The following PTPRN2 variants were observed in gnomAD, a reference collection of about 807,000 sequenced individuals.
The protein encoded by PTPRN2 is protein tyrosine phosphatase receptor type N2.
PTPRN2 carries 74 observed loss-of-function variants against 118.8 expected under a neutral mutation model. The ratio of observed to expected loss-of-function variants is 0.62; its 90% confidence interval spans 0.52 to 0.76. The LOEUF (loss-of-function observed/expected upper bound fraction) is 0.76. Among genes scored for constraint, PTPRN2 ranks in the 30% least tolerant of loss-of-function variants. PTPRN2 has a pLI of 0.00. For synonymous variants in PTPRN2, 641 were observed against 608.0 expected (o/e 1.05, Z -0.80); for missense variants, 1,481 against 1,394.4 (o/e 1.06, Z -0.99).
Position 157,621,651 on chromosome 7 carries a change from G to C in PTPRN2, c.2197-142C>G. On this transcript the variant is annotated intron_variant, in intron 14 of 22. Coordinates refer to ENST00000389418, the MANE Select transcript of PTPRN2 (RefSeq NM_002847.5). ...CGAGCCTGGGCCATGGTGCGACGTT[G>C]TGCTACGGTGCACAATGCATATCAT... 3.0e-6 allele frequency: 3 copies of C among 985,256 alleles called. No individual in the cohort carries two copies. In the Admixed American group the frequency reaches 6.3e-5, roughly 21 times the overall value. The allele number at this position is 985,256 out of a possible 1,614,324, so 61.0% of individuals were successfully genotyped here.
At chr7:157,805,289 C>CTGTGTGTGTGTGTG (rs57161533) in intron 12 of PTPRN2, among the ~76,000 whole-genome samples, 21 of 148,688 alleles carry the variant, frequency 1.4e-4, no homozygotes, top group Non-Finnish European at 3.0e-4. Context: ...ATATATACTC[C>CTGTGTGTGTGTGTG]TGTGTGTGTG....
At chr7:157,747,488 G>A (rs1185028535) in intron 12 of PTPRN2, among the ~76,000 whole-genome samples, 1 of 112,444 alleles carries the variant, frequency 8.9e-6, no homozygotes, top group Admixed American at 9.6e-5. Context: ...GTGATTCTGA[G>A]GCCTGCGTCC....
intron 2 of PTPRN2, among the ~76,000 whole-genome samples, chr7:158,410,132 C>A (rs1813921057): frequency 2.0e-5 from 3 of 152,180 alleles, no homozygotes; most frequent in Admixed American, 1.3e-4. Context: ...CACCTTCCCT[C>A]CATTTAAGAA....
At chr7:157,662,267 C>T (rs577272326) in intron 13 of PTPRN2, among the ~76,000 whole-genome samples, 2 of 152,344 alleles carry the variant, frequency 1.3e-5, no homozygotes, top group East Asian at 1.9e-4. Context: ...GTGCCTGACA[C>T]ACACCAGGTG....
chr7:157,746,763 G>A (rs928934367), intron 12 of PTPRN2, among the ~76,000 whole-genome samples: 2 of 152,206 alleles, frequency 1.3e-5, no homozygotes, highest in African/African-American at 4.8e-5. Context: ...GATCTCTTCC[G>A]TTCAGCTGCC....
At chr7:158,328,014 T>C (rs1333408846) in intron 2 of PTPRN2, among the ~76,000 whole-genome samples, 1 of 152,216 alleles carries the variant, frequency 6.6e-6, no homozygotes, top group Non-Finnish European at 1.5e-5. Flanking sequence ...ATCACTGCCC[T>C]GTTGAAAGGA....
chr7:157,722,641 G>C (rs933718793), intron 12 of PTPRN2, among the ~76,000 whole-genome samples: 7 of 152,202 alleles, frequency 4.6e-5, no homozygotes, highest in African/African-American at 1.7e-4. Flanking sequence ...CCATTCCTCG[G>C]CAGGGCACTG....
At chr7:158,504,349 G>A (rs1822585817) in intron 1 of PTPRN2, among the ~76,000 whole-genome samples, 1 of 151,834 alleles carries the variant, frequency 6.6e-6, no homozygotes, top group South Asian at 2.1e-4. Flanking sequence ...TGCTCTCCCT[G>A]CCCACCCCCA....
At chr7:157,791,684 T>C (rs1475426680) in intron 12 of PTPRN2, among the ~76,000 whole-genome samples, 9 of 152,196 alleles carry the variant, frequency 5.9e-5, no homozygotes, top group Non-Finnish European at 1.3e-4. Flanking sequence ...ATCCTCTGGA[T>C]TTTACATTCA....
In PTPRN2 at chr7:158,355,953, C is replaced by T. The variant is rs534551585; in HGVS notation, c.164-39021G>A. Reference sequence around the variant, plus strand: ...CCTCGAAACAGAATGTGGTTCCAGGCGCCACCACCCAGCCTAGCAGCCGTC... The same window carrying T: ...CCTCGAAACAGAATGTGGTTCCAGGTGCCACCACCCAGCCTAGCAGCCGTC... On this transcript the variant is annotated intron_variant, in intron 2 of 22. Transcript: ENST00000389418. Among the ~76,000 whole-genome samples, 29 of 152,292 alleles carry T rather than the reference C, an allele frequency of 1.9e-4. 1 individual carries two copies. In the Middle Eastern group the frequency reaches 0.01, roughly 54 times the overall value.
chr7:158,493,372 C>G (rs1821600584), intron 1 of PTPRN2, among the ~76,000 whole-genome samples: 1 of 144,538 alleles, frequency 6.9e-6, no homozygotes, highest in Non-Finnish European at 1.5e-5. Context: ...CATGCATACA[C>G]ACATGCACAC....
At chr7:157,806,088 A>ATG (rs376019707) in intron 12 of PTPRN2, among the ~76,000 whole-genome samples, 1 of 152,072 alleles carries the variant, frequency 6.6e-6, no homozygotes, top group Non-Finnish European at 1.5e-5. Context: ...AGCCACAAAA[A>ATG]TGTGTGTGTG....
At chr7:158,407,044 G>C (rs1471293673) in intron 2 of PTPRN2, among the ~76,000 whole-genome samples, 1 of 152,156 alleles carries the variant, frequency 6.6e-6, no homozygotes, top group Non-Finnish European at 1.5e-5. Context: ...ACCCTCCAGG[G>C]AGACCCAGCA....
At chr7:158,363,551 G>T (rs542573870) in intron 2 of PTPRN2, among the ~76,000 whole-genome samples, 1 of 152,328 alleles carries the variant, frequency 6.6e-6, no homozygotes, top group South Asian at 2.1e-4. Flanking sequence ...ACCTGGAAGG[G>T]CCTCACCCAG....
At chr7:158,396,782 C>CG (rs1413656885) in intron 2 of PTPRN2, among the ~76,000 whole-genome samples, 1 of 152,234 alleles carries the variant, frequency 6.6e-6, no homozygotes, top group Admixed American at 6.5e-5. Context: ...TGACCCGCCT[C>CG]GGGGTCTGTC....
At chr7:158,431,322 C>T (rs928833780) in intron 2 of PTPRN2, among the ~76,000 whole-genome samples, 1 of 150,268 alleles carries the variant, frequency 6.7e-6, no homozygotes, top group Non-Finnish European at 1.5e-5. Context: ...TGGGCACATA[C>T]TGGCCACACA....
intron 2 of PTPRN2, among the ~76,000 whole-genome samples, chr7:158,446,061 G>A (rs997469330): frequency 2.0e-5 from 3 of 152,092 alleles, no homozygotes; most frequent in African/African-American, 7.2e-5. Flanking sequence ...GACACTCAGC[G>A]TGGGCAGGTA....
At position 158,144,910 on chromosome 7, in the gene PTPRN2, G is replaced by C. The variant is rs533398258; in HGVS notation, c.911-6395C>G. Among the ~76,000 whole-genome samples, 61 of 152,178 alleles carry C rather than the reference G, an allele frequency of 4.0e-4. 2 individuals carry two copies. Among genetic ancestry groups the C allele is most frequent in the African/African-American group, 1.3e-3 (53 of 41,530 alleles). ...AAGTGCCTGCTCTGAAGGAGGAACT[G>C]AACAGCAAGCCACGTCTCCAGAATG... On this transcript the variant is annotated intron_variant, in intron 6 of 22. Transcript: ENST00000389418.
chr7:157,626,212 T>C (rs1268391), intron 14 of PTPRN2, among the ~76,000 whole-genome samples: 70,335 of 152,010 alleles, frequency 0.46, 18,185 homozygotes, highest in African/African-American at 0.69. Context: ...TTACCATCGC[T>C]TCCCCTTTCC....
Sources: gnomAD v4.1 joint callset for allele counts (sites outside exome capture counted in the v4.1 genomes callset) on GRCh38, gnomAD v4.1.1 for gene constraint, MANE v1.5 for transcripts, NCBI Gene and HGNC (gene_info 2026-07-23, HGNC 2026-07-21) for gene names.